The following ATXN7L1 variants were observed in gnomAD, a reference collection of about 807,000 sequenced individuals.
ATXN7L1 encodes ataxin 7 like 1.
A neutral mutation model predicts 70.8 loss-of-function variants in ATXN7L1; 15 were observed. That is an observed-to-expected ratio of 0.21 (90% CI 0.14 to 0.33). The LOEUF (loss-of-function observed/expected upper bound fraction) is 0.33, where lower values mean the gene tolerates loss of function less well. Among genes scored for constraint, ATXN7L1 ranks in the 10% least tolerant of loss-of-function variants. ATXN7L1 has a pLI of 1.00. For synonymous variants in ATXN7L1, 440 were observed against 445.1 expected, an observed-to-expected ratio of 0.99 and a Z score of 0.14; for missense variants, 975 against 1,097.1, an observed-to-expected ratio of 0.89 and a Z score of 1.57.
At chr7:105,833,406 C>T (rs1008410040) in intron 2 of ATXN7L1, among the ~76,000 whole-genome samples, 4 of 152,142 alleles carry the variant, frequency 2.6e-5, no homozygotes, top group Non-Finnish European at 4.4e-5. Context: ...GCCTGGCACA[C>T]GCTACATGAT....
intron 3 of ATXN7L1, among the ~76,000 whole-genome samples, chr7:105,743,213 A>G (rs1798211061): frequency 6.6e-6 from 1 of 152,222 alleles, no homozygotes; most frequent in Non-Finnish European, 1.5e-5. Context: ...ACACGGAGGC[A>G]AAGAACAGAC....
At chr7:105,740,769 ATTT>A (rs1235457353) in intron 3 of ATXN7L1, among the ~76,000 whole-genome samples, 1 of 85,674 alleles carries the variant, frequency 1.2e-5, no homozygotes, top group Non-Finnish European at 2.1e-5. Flanking sequence ...GGCTCCATTC[ATTT>A]TTTTTTTTTT....
intron 3 of ATXN7L1, among the ~76,000 whole-genome samples, chr7:105,727,777 T>TACATATATATACACAC (rs1796072370): frequency 1.1e-5 from 1 of 90,246 alleles, no homozygotes; most frequent in Admixed American, 1.1e-4. Flanking sequence ...TATATATATA[T>TACATATATATACACAC]ACACACACAT....
At chr7:105,841,489 C>T (rs745810168) in intron 2 of ATXN7L1, among the ~76,000 whole-genome samples, 12 of 152,226 alleles carry the variant, frequency 7.9e-5, no homozygotes, top group Non-Finnish European at 1.3e-4. Flanking sequence ...TTAAGAGCAG[C>T]TTGATGAAAT....
intron 3 of ATXN7L1, among the ~76,000 whole-genome samples, chr7:105,697,465 G>C (rs1791888882): frequency 6.6e-6 from 1 of 152,240 alleles, no homozygotes; most frequent in Non-Finnish European, 1.5e-5. Flanking sequence ...CCTGCGGTCA[G>C]AGTTTAAGGT....
chr7:105,700,813 C>T (rs1792356536), intron 3 of ATXN7L1, among the ~76,000 whole-genome samples: 1 of 152,110 alleles, frequency 6.6e-6, no homozygotes, highest in Non-Finnish European at 1.5e-5. Flanking sequence ...TCCCCAGTAG[C>T]TGCGACTACA....
chr7:105,803,346 G>A (rs771540433), intron 2 of ATXN7L1, among the ~76,000 whole-genome samples: 8 of 152,216 alleles, frequency 5.3e-5, no homozygotes, highest in East Asian at 3.8e-4. Flanking sequence ...CCCTGGGAGC[G>A]TGGCCTGCTG....
intron 2 of ATXN7L1, among the ~76,000 whole-genome samples, chr7:105,859,754 A>G (rs1816280869): frequency 6.6e-6 from 1 of 150,572 alleles, no homozygotes; most frequent in Non-Finnish European, 1.5e-5. Context: ...TAAGGAATGC[A>G]TGACTGTATA....
chr7:105,715,527 G>GATA, intron 3 of ATXN7L1, among the ~76,000 whole-genome samples: 1 of 152,350 alleles, frequency 6.6e-6, no homozygotes, highest in East Asian at 1.9e-4. Flanking sequence ...AAAAGAAAGA[G>GATA]GCAGCTACCC....
chr7:105,662,855 T>C (rs1801929222), intron 4 of ATXN7L1, among the ~76,000 whole-genome samples: 1 of 152,212 alleles, frequency 6.6e-6, no homozygotes, highest in Non-Finnish European at 1.5e-5. Flanking sequence ...ATAATAACCA[T>C]GACGTTATGC....
chr7:105,806,809 G>T (rs922493801), intron 2 of ATXN7L1, among the ~76,000 whole-genome samples: 1 of 152,182 alleles, frequency 6.6e-6, no homozygotes, highest in Admixed American at 6.5e-5. Context: ...GAGAAGCCAC[G>T]TGGGAAGCAC....
At chr7:105,772,958 A>G (rs979958397) in intron 3 of ATXN7L1, among the ~76,000 whole-genome samples, 6 of 152,252 alleles carry the variant, frequency 3.9e-5, no homozygotes, top group Admixed American at 3.9e-4. Flanking sequence ...AAAGGAAGTT[A>G]TCATGAATTA....
intron 3 of ATXN7L1, among the ~76,000 whole-genome samples, chr7:105,738,420 T>C (rs1797649475): frequency 6.6e-6 from 1 of 152,232 alleles, no homozygotes. Context: ...CTAGCACAAA[T>C]GTCATGATAC....
chr7:105,875,852 C>T lies in ATXN7L1; in HGVS notation c.210G>A (p.Glu70=). 1 of 1,613,832 alleles carries T rather than the reference C, an allele frequency of 6.2e-7. No homozygotes were observed. The highest frequency in any genetic ancestry group is 8.5e-7 in the Non-Finnish European group (1 of 1,179,920). The change falls in exon 2 of 12, where the codon GAG becomes GAA. Residue 70 remains glutamate (E), a synonymous_variant. Coordinates refer to ENST00000419735, the MANE Select transcript of ATXN7L1 (RefSeq NM_020725.2). The part of the protein sequence containing the change: ...DNVDLEEAGK[E]GGKSREVMRL... ...TCATAACCTCCCTGCTTTTTCCACC[C>T]TCTTTTCCAGCCTCTTCTAAATCTA...
chr7:105,742,040 AT>A (rs1798074035), intron 3 of ATXN7L1, among the ~76,000 whole-genome samples: 1 of 152,154 alleles, frequency 6.6e-6, no homozygotes. Flanking sequence ...AGATATCCAG[AT>A]TGTGGCACTT....
intron 2 of ATXN7L1, among the ~76,000 whole-genome samples, chr7:105,807,396 C>T (rs906841301): frequency 6.6e-6 from 1 of 152,224 alleles, no homozygotes; most frequent in Non-Finnish European, 1.5e-5. Flanking sequence ...CCTTTCATTT[C>T]TTCCTTGAAA....
chr7:105,835,117 GTT>G (rs1201099900), intron 2 of ATXN7L1, among the ~76,000 whole-genome samples: 1 of 94,600 alleles, frequency 1.1e-5, no homozygotes, highest in Admixed American at 1.1e-4. Context: ...TGTGGAAGCT[GTT>G]TTTTTTTTTT....
chr7:105,782,694 G>C (rs555676317), intron 3 of ATXN7L1, among the ~76,000 whole-genome samples: 1 of 152,366 alleles, frequency 6.6e-6, no homozygotes, highest in Admixed American at 6.5e-5. Flanking sequence ...AGATACTGGA[G>C]CTTCACGGCA....
At chr7:105,824,378 A>G (rs1028626425) in intron 2 of ATXN7L1, among the ~76,000 whole-genome samples, 1 of 152,182 alleles carries the variant, frequency 6.6e-6, no homozygotes, top group African/African-American at 2.4e-5. Flanking sequence ...AGACTGAGAC[A>G]CAATAACCAG....
Sources: gnomAD v4.1 joint callset for allele counts (sites outside exome capture counted in the v4.1 genomes callset) on GRCh38, gnomAD v4.1.1 for gene constraint, MANE v1.5 for transcripts, NCBI Gene and HGNC (gene_info 2026-07-23, HGNC 2026-07-21) for gene names.